Variants in GHR observed in about 807,000 individuals in gnomAD.
The protein encoded by GHR is growth hormone receptor, also known as GH receptor.
In GHR, 35 loss-of-function variants were observed where a neutral mutation model predicts 67.1. The ratio of observed to expected loss-of-function variants is 0.52; its 90% CI spans 0.40 to 0.69. GHR has a LOEUF of 0.69. Ranked by LOEUF, GHR falls within the 30% of genes least tolerant of loss-of-function variation. The pLI is 0.00. For synonymous variants in GHR, 272 were observed against 269.1 expected, an observed-to-expected ratio of 1.01 and a Z score of -0.10; for missense variants, 792 against 764.6, an observed-to-expected ratio of 1.04 and a Z score of -0.42.
intron 2 of GHR, among the ~76,000 whole-genome samples, chr5:42,609,049 A>T (rs1752763571): frequency 6.6e-6 from 1 of 152,212 alleles, no homozygotes; most frequent in Non-Finnish European, 1.5e-5. Flanking sequence ...AAAATGATGT[A>T]ACCAGGAAGA....
chr5:42,588,159 T>A (rs1277510891), intron 2 of GHR, among the ~76,000 whole-genome samples: 1 of 152,198 alleles, frequency 6.6e-6, no homozygotes, highest in Non-Finnish European at 1.5e-5. Context: ...TCTGCAGATG[T>A]TAAGAGGCTT....
chr5:42,557,549 C>A (rs1441753766), intron 1 of GHR, among the ~76,000 whole-genome samples: 1 of 152,076 alleles, frequency 6.6e-6, no homozygotes, highest in Admixed American at 6.5e-5. Flanking sequence ...CTCATCTAAT[C>A]CTGATTTTTT....
intron 1 of GHR, among the ~76,000 whole-genome samples, chr5:42,442,244 T>C (rs1376722679): frequency 6.6e-6 from 1 of 152,104 alleles, no homozygotes; most frequent in African/African-American, 2.4e-5. Flanking sequence ...AGGGAATAAA[T>C]GAGTGAAATT....
chr5:42,634,668 G>A (rs922368669), intron 3 of GHR, among the ~76,000 whole-genome samples: 4 of 152,180 alleles, frequency 2.6e-5, no homozygotes, highest in Non-Finnish European at 4.4e-5. Context: ...TATAGAGGAG[G>A]AGAATTTTAT....
intron 3 of GHR, among the ~76,000 whole-genome samples, chr5:42,670,353 C>G (rs1391086928): frequency 1.3e-5 from 2 of 152,136 alleles, no homozygotes; most frequent in African/African-American, 2.4e-5. Context: ...TATCTCATCC[C>G]TTATACAAGA....
intron 1 of GHR, among the ~76,000 whole-genome samples, chr5:42,450,992 A>T (rs1744025279): frequency 6.6e-6 from 1 of 152,116 alleles, no homozygotes; most frequent in South Asian, 2.1e-4. Context: ...GTCTGAGAGG[A>T]TACTTAATAT....
At chr5:42,558,023 A>AT (rs1199408052) in intron 1 of GHR, among the ~76,000 whole-genome samples, 5 of 152,188 alleles carry the variant, frequency 3.3e-5, no homozygotes, top group African/African-American at 1.2e-4. Context: ...TGAGAGAGGT[A>AT]TTTACATCAC....
At chr5:42,691,574 A>T (rs2111677896) in intron 4 of GHR, among the ~76,000 whole-genome samples, 1 of 152,370 alleles carries the variant, frequency 6.6e-6, no homozygotes, top group South Asian at 2.1e-4. Context: ...CTCATCCCTG[A>T]CACATAAATA....
chr5:42,591,838 T>C (rs993120804), intron 2 of GHR, among the ~76,000 whole-genome samples: 2 of 152,142 alleles, frequency 1.3e-5, no homozygotes, highest in African/African-American at 4.8e-5. Context: ...AACTAATTAA[T>C]GCTGAGATAT....
chr5:42,475,065 G>T (rs547302362), intron 1 of GHR, among the ~76,000 whole-genome samples: 6 of 151,806 alleles, frequency 4.0e-5, no homozygotes, highest in African/African-American at 1.5e-4. Flanking sequence ...TGTATTTGTA[G>T]TAGTGACGGG....
chr5:42,681,374 T>A (rs1225699416), intron 3 of GHR, among the ~76,000 whole-genome samples: 1 of 152,028 alleles, frequency 6.6e-6, no homozygotes, highest in South Asian at 2.1e-4. Context: ...TCATCACTGG[T>A]CATCAGAGAA....
chr5:42,531,276 A>AC (rs1263873105), intron 1 of GHR, among the ~76,000 whole-genome samples: 1 of 151,738 alleles, frequency 6.6e-6, no homozygotes, highest in Non-Finnish European at 1.5e-5. Flanking sequence ...CCAAAAAAAA[A>AC]ACCAAAAAGT....
intron 1 of GHR, among the ~76,000 whole-genome samples, chr5:42,531,925 A>G (rs761782882): frequency 3.3e-5 from 5 of 151,990 alleles, no homozygotes; most frequent in Admixed American, 2.0e-4. Context: ...GAGTTTTTCA[A>G]TGGAGTACTT....
chr5:42,620,387 G>A (rs891351750), intron 2 of GHR, among the ~76,000 whole-genome samples: 7 of 152,214 alleles, frequency 4.6e-5, no homozygotes, highest in Non-Finnish European at 1.0e-4. Flanking sequence ...TGCTGTGATG[G>A]ATCAAAAGGA....
chr5:42,707,274 C>T (rs906819567), intron 6 of GHR, among the ~76,000 whole-genome samples: 4 of 151,870 alleles, frequency 2.6e-5, no homozygotes, highest in African/African-American at 9.7e-5. Flanking sequence ...TTTTATATTG[C>T]ATATTTCTTA....
chr5:42,647,640 A>C (rs1561195160), intron 3 of GHR: 1 of 444,480 alleles, frequency 2.2e-6, no homozygotes, highest in East Asian at 7.2e-5. Flanking sequence ...CTTTAATTTC[A>C]TTTACTTCTA....
In GHR at chr5:42,518,980, C is replaced by T. The variant is rs34869332; in HGVS notation, c.-11-46884C>T. On this transcript the variant is annotated intron_variant, in intron 1 of 9. Coordinates refer to ENST00000230882, the MANE Select transcript of GHR (RefSeq NM_000163.5). ...GTCTAATCTGGAAAGAGTCGCTAATCGCTGTGTCACCTTGGCAAATTGGTT... is the reference window on the plus strand; with the variant it reads ...GTCTAATCTGGAAAGAGTCGCTAATTGCTGTGTCACCTTGGCAAATTGGTT... Among the ~76,000 whole-genome samples, 673 of 152,288 alleles carry T rather than the reference C, an allele frequency of 4.4e-3. 5 individuals are homozygous for T. Among genetic ancestry groups the T allele is most frequent in the Middle Eastern group, 0.014 (4 of 294 alleles).
At chr5:42,684,735 A>C (rs536706271) in intron 3 of GHR, among the ~76,000 whole-genome samples, 36 of 152,108 alleles carry the variant, frequency 2.4e-4, no homozygotes, top group African/African-American at 7.2e-4. Flanking sequence ...CTCCATTCAT[A>C]CAGGAAAATG....
intron 2 of GHR, among the ~76,000 whole-genome samples, chr5:42,576,438 T>C (rs1750748339): frequency 6.6e-6 from 1 of 152,172 alleles, no homozygotes. Flanking sequence ...AATTATTATA[T>C]ATAATTCCTA....
Sources: allele counts gnomAD v4.1 joint callset (sites outside exome capture counted in the v4.1 genomes callset), GRCh38; gene constraint gnomAD v4.1.1; transcripts MANE v1.5; gene names NCBI Gene and HGNC (gene_info 2026-07-23, HGNC 2026-07-21).